PSTK: variants seen among roughly 807,000 people sequenced by gnomAD.
PSTK encodes the protein L-seryl-tRNA(Sec) kinase.
A neutral mutation model predicts 38.6 loss-of-function variants in PSTK; 26 were observed. The observed-to-expected ratio is 0.67, with a 90% CI of 0.49 to 0.94. The LOEUF (loss-of-function observed/expected upper bound fraction) is 0.94. PSTK is among the 40% of genes least tolerant of loss of function. The probability of loss-of-function intolerance (pLI) is 0.00; values close to 1 mark genes in which losing one functional copy is unlikely to be tolerated. For missense variants in PSTK, 445 were observed against 436.3 expected, an observed-to-expected ratio of 1.02 and a Z score of -0.18; for synonymous variants, 181 against 161.7, an observed-to-expected ratio of 1.12 and a Z score of -0.91.
At chr10:122,988,132 C>A (rs1206262019) in intron 5 of PSTK, among the ~76,000 whole-genome samples, 1 of 152,166 alleles carries the variant, frequency 6.6e-6, no homozygotes, top group East Asian at 1.9e-4. Flanking sequence ...TACTTGATTT[C>A]ATTTTAGAAA....
intron 5 of PSTK, 135 bp from the exon 6 acceptor site, chr10:122,990,039 A>T: frequency 3.4e-6 from 2 of 584,736 alleles, no homozygotes; most frequent in Non-Finnish European, 5.9e-6. Flanking sequence ...TTTTTTCTAT[A>T]TATTACACTA....
chr10:122,980,629 C>G lies in PSTK; in HGVS notation c.150C>G (p.Ile50Met). ...HRLQQEQGWAIGVVAYDDVMP... is the reference protein window; with the variant it reads ...HRLQQEQGWAMGVVAYDDVMP... Reference sequence around the variant, plus strand: ...TGCAGCAGGAGCAGGGTTGGGCCATCGGTGTTGTCGCGTATGATGACGTCA... The same window carrying G: ...TGCAGCAGGAGCAGGGTTGGGCCATGGGTGTTGTCGCGTATGATGACGTCA... The change falls in exon 1 of 6, where the codon ATC becomes ATG. Residue 50 changes from isoleucine (I) to methionine (M), a missense_variant. Ile to Met is a conservative substitution (Grantham distance 10). Transcript: ENST00000406217. This position sits in a 1 kb window ranked among gnomAD's most constrained non-coding sequence, Gnocchi z 4.3. 6.2e-7 allele frequency: 1 copy of G among 1,611,348 alleles called. No homozygotes were observed. The highest frequency in any genetic ancestry group is 8.5e-7 in the Non-Finnish European group (1 of 1,179,314).
Position 122,983,349 on chromosome 10 carries a change from G to A in PSTK, c.586G>A (p.Ala196Thr). The change falls in exon 3 of 6, where the codon GCA becomes ACA. Residue 196 changes from alanine (A) to threonine (T), a missense_variant. Ala to Thr is a moderately conservative substitution (Grantham distance 58). Transcript: ENST00000406217. ...ACAGAGGAATGGCCAGAGGCCACAG[G>A]CACTGCCTCCTGAGACCATCCACCT... ...CLQRNGQRPQ[A>T]LPPETIHLMG... The A allele has an allele frequency of 4.3e-6, 7 of 1,614,146 alleles. No homozygotes were observed. Among genetic ancestry groups the A allele is most frequent in the Non-Finnish European group, 5.9e-6 (7 of 1,179,960 alleles).
chr10:122,983,543 G>C (rs1173954025), intron 3 of PSTK, 73 bp downstream of exon 3: 1 of 1,328,514 alleles, frequency 7.5e-7, no homozygotes, highest in East Asian at 2.3e-5. Flanking sequence ...TGTCTATGTT[G>C]GTTTAGTTAG....
chr10:122,987,629 C>T, intron 5 of PSTK: 1 of 1,349,814 alleles, frequency 7.4e-7, no homozygotes, highest in Non-Finnish European at 9.9e-7. Context: ...GAGTTTTACA[C>T]AGTAATTCCA....
chr10:122,988,289 T>G (rs1381198877), intron 5 of PSTK, among the ~76,000 whole-genome samples: 1 of 152,110 alleles, frequency 6.6e-6, no homozygotes, highest in African/African-American at 2.4e-5. Flanking sequence ...TTTCTGTCTA[T>G]AAAATGAAGC....
chr10:122,987,371 A>G, intron 5 of PSTK: 1 of 1,614,182 alleles, frequency 6.2e-7, no homozygotes, highest in South Asian at 1.1e-5. Flanking sequence ...CATTTAAGCA[A>G]AGATGGGTAA....
At chr10:122,984,132 C>G (rs1440696065) in intron 3 of PSTK, 2 of 152,466 alleles carry the variant, frequency 1.3e-5, no homozygotes, top group Non-Finnish European at 1.5e-5. Flanking sequence ...TATTGGACAG[C>G]GCAGTTCCAG....
rs774676125 is a variant in PSTK at position 122,983,014 on chromosome 10, G to A, written c.498G>A (p.Leu166=). The A allele has an allele frequency of 3.7e-6, 6 of 1,603,838 alleles. No individual in the cohort carries two copies. The South Asian group carries it at 6.7e-5, about 18-fold the overall frequency. Residue 166 remains leucine (L), a synonymous_variant, in exon 2 of 6, where the codon CTG becomes CTA. Coordinates refer to ENST00000406217, the MANE Select transcript of PSTK (RefSeq NM_001363531.2). ...GTATGAGATATGAAGTCTACCAGCT[G>A]GCTCGGAAATGTAATTAAAACTTTT... ...YQSMRYEVYQ[L]ARKYSLGFCQ...
At chr10:122,981,035 T>TA (rs1848953492) in intron 1 of PSTK, among the ~76,000 whole-genome samples, 1 of 152,238 alleles carries the variant, frequency 6.6e-6, no homozygotes, top group Non-Finnish European at 1.5e-5. Context: ...AAAGCCCCTA[T>TA]AGTCAAATGC....
Position 122,983,285 on chromosome 10 carries a change from T to C in PSTK, c.522T>C (p.Phe174=). 3 of 1,608,978 alleles carry C rather than the reference T, an allele frequency of 1.9e-6. No homozygotes were observed. The South Asian group carries it at 3.3e-5, about 18-fold the overall frequency. The change falls in exon 3 of 6, where the codon TTT becomes TTC. Residue 174 remains phenylalanine (F), a synonymous_variant. Transcript: ENST00000406217. ...AACTGTTTTCAGATTCGTTGGGCTT[T>C]TGCCAGCTCTTTTTAGATTGTCCTC... ...YQLARKYSLG[F]CQLFLDCPLE... is the part of the protein sequence containing the mutation.
chr10:122,986,383 TC>T lies in PSTK; in HGVS notation c.783+10del. 1 of 1,583,760 alleles carries T rather than the reference TC, an allele frequency of 6.3e-7. No individual in the cohort carries two copies. On this transcript the variant is annotated intron_variant, in intron 4 of 5. Coordinates refer to ENST00000406217, the MANE Select transcript of PSTK (RefSeq NM_001363531.2). The stretch of plus-strand genomic sequence containing the variant: ...GACAATATGGAACAAAAGGTAAACT[TC>T]CAGTGTAAATTTAATGTAAATGAGA...
Position 122,980,740 on chromosome 10 carries a change from C to CGGGGG in PSTK, c.216+49_216+50insGGGGG. 1 of 88,936 alleles carries CGGGGG rather than the reference C, an allele frequency of 1.1e-5. No individual in the cohort carries two copies. The highest frequency in any genetic ancestry group is 1.4e-5 in the Non-Finnish European group (1 of 73,264). 5.5% of individuals were successfully genotyped at this position (88,936 alleles called of 1,614,324 possible). ...GCCTGGGCCGCGGGGCGGGGCGGGG[C>CGGGGG]GGGGCGGGGCGGGGCGGGGACACTC... On this transcript the variant is annotated intron_variant, in intron 1 of 5. Transcript: ENST00000406217. This position sits in a 1 kb window ranked among gnomAD's most constrained non-coding sequence, Gnocchi z 4.3.
At chr10:122,983,750 A>G in intron 3 of PSTK, 1 of 376,560 alleles carries the variant, frequency 2.7e-6, no homozygotes, top group Non-Finnish European at 4.8e-6. Context: ...TCTCTTGCTA[A>G]AATAGATAGT....
Position 122,980,829 on chromosome 10 carries a change from C to G in PSTK, c.216+134C>G, listed in dbSNP as rs1232331399. ...ATTGCTTGGTGTGGGAGGTGAAGTT[C>G]GAGAAAAGTGGAGCTGGGTTAACAT... is the stretch of plus-strand genomic sequence containing the variant. On this transcript the variant is annotated intron_variant, in intron 1 of 5. Transcript: ENST00000406217. This position sits in a 1 kb window ranked among gnomAD's most constrained non-coding sequence, Gnocchi z 4.3. The G allele has an allele frequency of 1.6e-6, 2 of 1,288,204 alleles. No homozygotes were observed. The highest frequency in any genetic ancestry group is 2.0e-6 in the Non-Finnish European group (2 of 1,023,322). 79.8% of individuals were successfully genotyped at this position (1,288,204 alleles called of 1,614,324 possible).
At chr10:122,985,537 A>G (rs931379916) in intron 3 of PSTK, 3 of 152,232 alleles carry the variant, frequency 2.0e-5, no homozygotes, top group Non-Finnish European at 4.4e-5. Flanking sequence ...TGTTAAATCA[A>G]TGAATGAATT....
At chr10:122,982,604 G>A in intron 1 of PSTK, 129 bp from the exon 2 acceptor site, 1 of 698,202 alleles carries the variant, frequency 1.4e-6, no homozygotes, top group Non-Finnish European at 2.4e-6. Flanking sequence ...GAAACCAGGT[G>A]TGTTAGAGAA....
chr10:122,986,158 T>G (rs1849029490), intron 3 of PSTK, 142 bp from the exon 4 acceptor site: 1 of 443,696 alleles, frequency 2.3e-6, no homozygotes, highest in Non-Finnish European at 4.0e-6. Context: ...GAAGCAGAGC[T>G]TGCAGTGAGC....
intron 5 of PSTK, among the ~76,000 whole-genome samples, chr10:122,989,962 G>A (rs112836890): frequency 0.031 from 4,703 of 152,240 alleles, 101 homozygotes; most frequent in African/African-American, 0.047. Flanking sequence ...CTGCTCACAC[G>A]TTTCCTAACA....
Sources: gnomAD v4.1 joint callset for allele counts (sites outside exome capture counted in the v4.1 genomes callset) on GRCh38, gnomAD v4.1.1 for gene constraint, Gnocchi (gnomAD v3.1) non-coding constraint, MANE v1.5 for transcripts, NCBI Gene and HGNC (gene_info 2026-07-23, HGNC 2026-07-21) for gene names.